GTF3C2: variants seen among roughly 807,000 people sequenced by gnomAD.
GTF3C2 encodes the protein general transcription factor IIIC subunit 2.
A neutral mutation model predicts 117.4 loss-of-function variants in GTF3C2; 17 were observed. The observed-to-expected ratio is 0.14, with a 90% CI of 0.10 to 0.22. The LOEUF (loss-of-function observed/expected upper bound fraction) is 0.22, where lower values mean the gene tolerates loss of function less well. GTF3C2 is among the 10% of genes least tolerant of loss of function. GTF3C2 has a pLI of 1.00. For synonymous variants in GTF3C2, 437 were observed against 427.0 expected, an observed-to-expected ratio of 1.02 and a Z score of -0.29; for missense variants, 888 against 1,143.6, an observed-to-expected ratio of 0.78 and a Z score of 3.22.
At chr2:27,336,561 A>G in intron 7 of GTF3C2, 136 bp from the exon 8 acceptor site, 1 of 610,616 alleles carries the variant, frequency 1.6e-6, no homozygotes, top group Non-Finnish European at 3.0e-6. Flanking sequence ...ACAAGTGAGA[A>G]CAGAGTCCTT....
exon 19 of GTF3C2, chr2:27,326,508 G>T (rs1346127784): frequency 9.7e-6 from 6 of 619,582 alleles, no homozygotes; most frequent in Non-Finnish European, 1.7e-5. Flanking sequence ...TGTGATCACA[G>T]AAGTCTGTAG....
At chr2:27,340,430 C>T (rs1043181090) in intron 4 of GTF3C2, 1 of 151,714 alleles carries the variant, frequency 6.6e-6, no homozygotes, top group Non-Finnish European at 1.5e-5. Flanking sequence ...CACAGGGTTT[C>T]ACTATGTTGG....
intron 1 of GTF3C2, chr2:27,356,174 C>G: frequency 1.9e-6 from 2 of 1,066,144 alleles, no homozygotes; most frequent in South Asian, 1.3e-5. Flanking sequence ...CAACTTGCCA[C>G]GGGACAAAAG....
chr2:27,355,782 C>A (rs1681351662), intron 1 of GTF3C2, among the ~76,000 whole-genome samples: 1 of 152,074 alleles, frequency 6.6e-6, no homozygotes, highest in Non-Finnish European at 1.5e-5. Flanking sequence ...ATATTGTTTC[C>A]TAAAGTGTTC....
intron 12 of GTF3C2, among the ~76,000 whole-genome samples, chr2:27,332,737 G>A (rs1434268948): frequency 1.3e-5 from 2 of 149,032 alleles, no homozygotes; most frequent in Admixed American, 1.3e-4. Flanking sequence ...ATTTTTTTGA[G>A]ATGGAGTCTC....
chr2:27,354,168 AG>A (rs1174062562), intron 1 of GTF3C2, among the ~76,000 whole-genome samples: 2 of 151,960 alleles, frequency 1.3e-5, no homozygotes, highest in Non-Finnish European at 2.9e-5. Context: ...CTGTAGCTCT[AG>A]CTATTCGAGA....
Position 27,329,446 on chromosome 2 carries a change from A to G in GTF3C2, c.1810T>C (p.Tyr604His), listed in dbSNP as rs753082569. Residue 604 changes from tyrosine to histidine, a missense_variant, in exon 13 of 19, where the codon TAC (tyrosine) becomes CAC (histidine). Coordinates refer to ENST00000264720, the Ensembl canonical transcript of GTF3C2. This position sits in a 1 kb window ranked among gnomAD's most constrained non-coding sequence, Gnocchi z 4.5. ...TGGGCTAGGAAACACTGGAAGGGGT[A>G]GAGCTTTAAGGAGCCATCAGAGAGC... 6.2e-7 allele frequency: 1 copy of G among 1,614,124 alleles called. No individual in the cohort carries two copies. The highest frequency in any genetic ancestry group is 1.7e-5 in the Admixed American group (1 of 60,006).
At chr2:27,334,283 C>T (rs1194428315) in intron 10 of GTF3C2, among the ~76,000 whole-genome samples, 1 of 151,988 alleles carries the variant, frequency 6.6e-6, no homozygotes, top group Non-Finnish European at 1.5e-5. Context: ...TAATGACATT[C>T]CCTTATCCTT....
At chr2:27,348,555 G>GT (rs1480214265) in intron 1 of GTF3C2, among the ~76,000 whole-genome samples, 1 of 152,146 alleles carries the variant, frequency 6.6e-6, no homozygotes, top group Non-Finnish European at 1.5e-5. Context: ...TGTATTCCCA[G>GT]TATGTTGGGA....
chr2:27,326,977 A>G lies in GTF3C2; in HGVS notation c.2518-84T>C, dbSNP rs189095327. On this transcript the variant is annotated intron_variant, in intron 18 of 18. Coordinates refer to ENST00000264720, the Ensembl canonical transcript of GTF3C2. The stretch of plus-strand genomic sequence containing the variant: ...CCTAGCTGTATGAACAAAAAAAAAA[A>G]ATGAGCCACAATCTGAAAGGACAGG... 1.1e-3 allele frequency: 891 copies of G among 835,560 alleles called. 3 individuals are homozygous for G. In the African/African-American group the frequency reaches 0.014, roughly 13 times the overall value. 51.8% of individuals were successfully genotyped at this position (835,560 alleles called of 1,614,324 possible).
chr2:27,328,925 T>C (rs1680185668), exon 15 of GTF3C2: 13 of 1,596,972 alleles, frequency 8.1e-6, no homozygotes, highest in Non-Finnish European at 1.1e-5. Flanking sequence ...TCCCACAGAG[T>C]CCATAACTGT....
chr2:27,327,151 G>A (rs1462108793), intron 18 of GTF3C2, 26 bp downstream of exon 18: 1 of 1,214,796 alleles, frequency 8.2e-7, no homozygotes, highest in East Asian at 2.3e-5. Flanking sequence ...AAATGAGAGT[G>A]GAGGGTGGAG....
Position 27,329,179 on chromosome 2 carries a change from G to A in GTF3C2, c.1981C>T (p.Leu661=). 6.2e-7 allele frequency: 1 copy of A among 1,614,156 alleles called. No individual in the cohort carries two copies. Among genetic ancestry groups the A allele is most frequent in the Admixed American group, 1.7e-5 (1 of 60,022 alleles). Residue 661 remains leucine, a synonymous_variant, in exon 14 of 19, where the codon CTG becomes TTG. Transcript: ENST00000264720. This position sits in a 1 kb window ranked among gnomAD's most constrained non-coding sequence, Gnocchi z 4.5. The stretch of plus-strand genomic sequence containing the variant: ...CCATTGTAGGGAAGCAGCCAGGCCA[G>A]TTCTGTACTCAAGAAGCGCTTGATA...
chr2:27,346,823 T>G (rs1320266242), intron 1 of GTF3C2, among the ~76,000 whole-genome samples: 2 of 152,104 alleles, frequency 1.3e-5, no homozygotes, highest in African/African-American at 4.8e-5. Flanking sequence ...GCTTCCCAAA[T>G]AGCCAAGACT....
At chr2:27,349,144 A>ATT (rs36040548) in intron 1 of GTF3C2, among the ~76,000 whole-genome samples, 11 of 39,222 alleles carry the variant, frequency 2.8e-4, no homozygotes, top group South Asian at 2.0e-3. Flanking sequence ...GCCTGATTTG[A>ATT]TTTTTTTTTT....
intron 1 of GTF3C2, among the ~76,000 whole-genome samples, chr2:27,352,201 A>G (rs1018033277): frequency 1.3e-5 from 2 of 151,960 alleles, no homozygotes; most frequent in East Asian, 3.8e-4. Context: ...GCTTAGCAAA[A>G]CTCAAGCCCT....
At chr2:27,337,610 A>G in intron 5 of GTF3C2, 52 bp from the exon 6 acceptor site, 1 of 1,215,912 alleles carries the variant, frequency 8.2e-7, no homozygotes, top group Non-Finnish European at 1.2e-6. Context: ...ACAGCCGCAC[A>G]GTCCAATAAA....
intron 1 of GTF3C2, among the ~76,000 whole-genome samples, chr2:27,354,025 T>C (rs1295697750): frequency 7.7e-6 from 1 of 130,658 alleles, no homozygotes; most frequent in Non-Finnish European, 1.6e-5. Flanking sequence ...ACCCAGCCTA[T>C]AACGTATGTA....
At chr2:27,355,630 TA>T (rs1468555523) in intron 1 of GTF3C2, among the ~76,000 whole-genome samples, 1 of 152,162 alleles carries the variant, frequency 6.6e-6, no homozygotes, top group East Asian at 1.9e-4. Context: ...ACTGAGTTTC[TA>T]AAACCTTCCA....
Sources: allele counts gnomAD v4.1 joint callset (sites outside exome capture counted in the v4.1 genomes callset), GRCh38; gene constraint gnomAD v4.1.1; non-coding constraint Gnocchi (gnomAD v3.1); transcripts MANE v1.5; gene names NCBI Gene and HGNC (gene_info 2026-07-23, HGNC 2026-07-21).